Variants in PRSS3 observed in about 807,000 individuals in gnomAD.
PRSS3 encodes the protein trypsin-3.
Under a neutral mutation model 20.8 loss-of-function variants are expected in PRSS3, and 14 were observed. The observed-to-expected ratio is 0.67, with a 90% CI of 0.44 to 1.05. The LOEUF is 1.05. PRSS3 is among the 50% of genes least tolerant of loss of function. PRSS3 has a pLI of 0.00. For synonymous variants in PRSS3, 91 were observed against 117.6 expected, an observed-to-expected ratio of 0.77 and a Z score of 1.46; for missense variants, 237 against 306.4, an observed-to-expected ratio of 0.77 and a Z score of 1.69.
At chr9:33,792,259 T>A (rs559144494), upstream of PRSS3, among the ~76,000 whole-genome samples, 6 of 152,108 alleles carry the variant, frequency 3.9e-5, no homozygotes, top group East Asian at 1.2e-3. Flanking sequence ...TGCAGAATGA[T>A]AAAGGATGCT....
intron 1 of PRSS3, among the ~76,000 whole-genome samples, chr9:33,768,049 G>A (rs2118876672): frequency 6.6e-6 from 1 of 152,334 alleles, no homozygotes; most frequent in African/African-American, 2.4e-5. Context: ...CTGGCAACCA[G>A]TACAGATTTG....
rs143133403 is a variant in PRSS3 at position 33,798,010 on chromosome 9, C to T, written c.382C>T (p.Leu128=). 9.3e-6 allele frequency: 15 copies of T among 1,614,172 alleles called. No homozygotes were observed. Among genetic ancestry groups the T allele is most frequent in the Middle Eastern group, 1.6e-4 (1 of 6,084 alleles). Residue 128 remains leucine, a synonymous_variant, in exon 3 of 5, where the codon CTG becomes TTG. Transcript: ENST00000379405. ...CAATGCCCGCGTGTCCACCATCTCT[C>T]TGCCCACCACCCCTCCAGCTGCTGG... ...VINARVSTIS[L]PTTPPAAGTE... is the part of the protein sequence containing the mutation.
intron 1 of PRSS3, among the ~76,000 whole-genome samples, chr9:33,774,973 C>T (rs369582076): frequency 1.7e-4 from 26 of 150,056 alleles, no homozygotes; most frequent in African/African-American, 6.2e-4. Context: ...GCAACAAGAG[C>T]GAAACTCCAT....
At chr9:33,755,678 C>T (rs979038163) in intron 1 of PRSS3, among the ~76,000 whole-genome samples, 9 of 152,180 alleles carry the variant, frequency 5.9e-5, no homozygotes, top group Non-Finnish European at 1.2e-4. Context: ...TTTCCCCCCA[C>T]CCCATGGAAT....
At chr9:33,777,530 C>G (rs1379863453) in intron 1 of PRSS3, among the ~76,000 whole-genome samples, 1 of 25,578 alleles carries the variant, frequency 3.9e-5, no homozygotes, top group African/African-American at 1.0e-4. Context: ...ACTAAAAATA[C>G]CAAAAAAAAA....
intron 1 of PRSS3, among the ~76,000 whole-genome samples, chr9:33,775,057 T>TA (rs1268310276): frequency 0.22 from 24,054 of 108,148 alleles, 3,692 homozygotes; most frequent in African/African-American, 0.47. Flanking sequence ...TTTCTTTCTG[T>TA]AAAAAAAAAA....
At chr9:33,760,289 T>C (rs1222399481) in intron 1 of PRSS3, among the ~76,000 whole-genome samples, 4 of 152,000 alleles carry the variant, frequency 2.6e-5, no homozygotes, top group African/African-American at 9.7e-5. Flanking sequence ...TGCTTCTTTG[T>C]AGGTAATAGC....
At chr9:33,790,956 C>G (rs1824607011), upstream of PRSS3, among the ~76,000 whole-genome samples, 1 of 152,182 alleles carries the variant, frequency 6.6e-6, no homozygotes, top group Non-Finnish European at 1.5e-5. Flanking sequence ...AGAAAATTAA[C>G]TAGATTATTC....
chr9:33,796,677 T>G lies in PRSS3; in HGVS notation c.75T>G (p.Val25=). Residue 25 remains valine (V), a synonymous_variant, in exon 2 of 5, where the codon GTT becomes GTG. Coordinates refer to ENST00000379405, the MANE Select transcript of PRSS3 (RefSeq NM_002771.4). The part of the protein sequence containing the change: ...AVPFDDDDKI[V]GGYTCEENSL... ...CCTTTGACGATGATGACAAGATTGT[T>G]GGGGGCTACACCTGTGAGGAGAATT... The G allele has an allele frequency of 6.2e-7, 1 of 1,613,142 alleles. No individual in the cohort carries two copies. The highest frequency in any genetic ancestry group is 8.5e-7 in the Non-Finnish European group (1 of 1,179,524).
chr9:33,758,079 C>T (rs1321734465), intron 1 of PRSS3, among the ~76,000 whole-genome samples: 1 of 152,168 alleles, frequency 6.6e-6, no homozygotes, highest in Admixed American at 6.5e-5. Flanking sequence ...TGTTCCATCC[C>T]TTGACTGTAG....
intron 1 of PRSS3, among the ~76,000 whole-genome samples, chr9:33,760,276 A>G (rs1211576435): frequency 1.3e-5 from 2 of 151,600 alleles, no homozygotes; most frequent in Non-Finnish European, 2.9e-5. Context: ...GGCAACTGGT[A>G]ACTGCTTCTT....
intron 1 of PRSS3, among the ~76,000 whole-genome samples, chr9:33,770,140 A>T (rs1823618819): frequency 1.6e-5 from 1 of 61,868 alleles, no homozygotes. Context: ...GGTGAAATGA[A>T]ACTGTCTCAA....
chr9:33,784,457 G>A (rs1824304031), intron 1 of PRSS3, among the ~76,000 whole-genome samples: 2 of 152,218 alleles, frequency 1.3e-5, no homozygotes, highest in Admixed American at 1.3e-4. Context: ...TCCGTGGCAT[G>A]TCCAATAGAT....
At chr9:33,773,222 G>C (rs1823781757) in intron 1 of PRSS3, among the ~76,000 whole-genome samples, 1 of 150,878 alleles carries the variant, frequency 6.6e-6, no homozygotes, top group Non-Finnish European at 1.5e-5. Context: ...ATGAGAGAGA[G>C]AGAGAGAGAA....
At chr9:33,766,812 G>C (rs1447240547) in intron 1 of PRSS3, among the ~76,000 whole-genome samples, 1 of 151,992 alleles carries the variant, frequency 6.6e-6, no homozygotes, top group Non-Finnish European at 1.5e-5. Flanking sequence ...GATTTCTTTG[G>C]GGGTTGGTAA....
chr9:33,771,731 CCT>C (rs1823714183), intron 1 of PRSS3, among the ~76,000 whole-genome samples: 1 of 150,132 alleles, frequency 6.7e-6, no homozygotes, highest in Non-Finnish European at 1.5e-5. Flanking sequence ...GCCTCAACCT[CCT>C]GAGTAGCTGG....
chr9:33,788,512 G>A (rs1435918306), intron 1 of PRSS3, among the ~76,000 whole-genome samples: 4 of 152,220 alleles, frequency 2.6e-5, no homozygotes, highest in Non-Finnish European at 5.9e-5. Flanking sequence ...GAGCACATCT[G>A]AGTCTCACGG....
In PRSS3 at chr9:33,799,174, C is replaced by G. The variant is rs1463532122; in HGVS notation, c.738C>G (p.Asn246Lys). The G allele has an allele frequency of 6.2e-7, 1 of 1,614,136 alleles. No individual in the cohort carries two copies. The highest frequency in any genetic ancestry group is 8.5e-7 in the Non-Finnish European group (1 of 1,180,018). Residue 246 changes from asparagine to lysine, a missense_variant, in exon 5 of 5, where the codon AAC (asparagine) becomes AAG (lysine). Asn to Lys is a moderately conservative substitution (Grantham distance 94). Coordinates refer to ENST00000379405, the MANE Select transcript of PRSS3 (RefSeq NM_002771.4). Reference protein sequence around the residue: ...VDWIKDTIAANS With the variant: ...VDWIKDTIAAKS ...GGATTAAGGACACCATCGCTGCCAA[C>G]AGCTAAAGCCCCCGGTCCCTCTGCA...
chr9:33,755,019 G>A (rs1451472434), intron 1 of PRSS3, among the ~76,000 whole-genome samples: 1 of 151,956 alleles, frequency 6.6e-6, no homozygotes, highest in Non-Finnish European at 1.5e-5. Flanking sequence ...TAATGCAGTG[G>A]GTCTAGAGGA....
Sources: allele counts gnomAD v4.1 joint callset (sites outside exome capture counted in the v4.1 genomes callset), GRCh38; gene constraint gnomAD v4.1.1; transcripts MANE v1.5; gene names NCBI Gene and HGNC (gene_info 2026-07-23, HGNC 2026-07-21).